Variants in NAPEPLD observed in about 807,000 individuals in gnomAD.
NAPEPLD encodes N-acyl phosphatidylethanolamine phospholipase D.
In NAPEPLD, 23 loss-of-function variants were observed where a neutral mutation model predicts 38.1. The observed-to-expected ratio is 0.60, with a 90% confidence interval of 0.43 to 0.86. The LOEUF is 0.86. Among genes scored for constraint, NAPEPLD ranks in the 40% least tolerant of loss-of-function variants. NAPEPLD has a pLI of 0.00. For missense variants in NAPEPLD, 411 were observed against 476.8 expected, an observed-to-expected ratio of 0.86 and a Z score of 1.28; for synonymous variants, 147 against 162.0, an observed-to-expected ratio of 0.91 and a Z score of 0.71.
At chr7:103,138,749 C>T (rs1810607012) in intron 1 of NAPEPLD, among the ~76,000 whole-genome samples, 1 of 152,182 alleles carries the variant, frequency 6.6e-6, no homozygotes, top group African/African-American at 2.4e-5. Context: ...GGATTACAGG[C>T]GTGAGCCACC....
upstream of NAPEPLD, chr7:103,149,407 C>A: frequency 1.6e-6 from 2 of 1,226,732 alleles, no homozygotes; most frequent in South Asian, 1.3e-5. Context: ...TCTTCCTAAC[C>A]CGAGCCCGCC....
intron 2 of NAPEPLD, among the ~76,000 whole-genome samples, chr7:103,120,537 G>A (rs1403352722): frequency 1.3e-5 from 2 of 151,906 alleles, no homozygotes; most frequent in Non-Finnish European, 1.5e-5. Context: ...AAGTAGACTG[G>A]CCTAGATGCA....
intron 1 of NAPEPLD, chr7:103,141,787 G>C: frequency 4.6e-6 from 4 of 873,860 alleles, no homozygotes; most frequent in South Asian, 3.9e-5. Context: ...CAGGCTTGCG[G>C]ATGATCAGCC....
chr7:103,120,854 C>T (rs909826062), intron 2 of NAPEPLD, among the ~76,000 whole-genome samples: 1 of 151,778 alleles, frequency 6.6e-6, no homozygotes, highest in Non-Finnish European at 1.5e-5. Context: ...GGATCACAGG[C>T]ACACAGCACC....
intron 1 of NAPEPLD, among the ~76,000 whole-genome samples, chr7:103,131,728 G>GT: frequency 6.6e-6 from 1 of 152,044 alleles, no homozygotes. Flanking sequence ...AGACTGGACA[G>GT]TAAAGATGGG....
intron 1 of NAPEPLD, among the ~76,000 whole-genome samples, chr7:103,144,750 G>A (rs1812193457): frequency 6.6e-6 from 1 of 151,836 alleles, no homozygotes; most frequent in Admixed American, 6.6e-5. Flanking sequence ...GCTCACACCT[G>A]TAATCCCAGC....
In NAPEPLD at chr7:103,103,330, T is replaced by G; in HGVS notation, c.*99A>C. The G allele has an allele frequency of 7.4e-7, 1 of 1,360,266 alleles. No individual in the cohort carries two copies. Among genetic ancestry groups the G allele is most frequent in the Non-Finnish European group, 9.9e-7 (1 of 1,011,364 alleles). The allele number at this position is 1,360,266 out of a possible 1,614,324, so 84.3% of individuals were successfully genotyped here. A position where few individuals can be genotyped will look rare whatever the true frequency, so the allele number is the denominator to read the frequency against. On this transcript the variant is annotated 3_prime_UTR_variant, in exon 5 of 5. Coordinates refer to ENST00000465647, the MANE Select transcript of NAPEPLD (RefSeq NM_001122838.3). ...TAAACTTGCAGAAGTTGTTTCCAAATGTAAAATAATCACAATATTCATGAA... is the reference window on the plus strand; with the variant it reads ...TAAACTTGCAGAAGTTGTTTCCAAAGGTAAAATAATCACAATATTCATGAA...
intron 2 of NAPEPLD, among the ~76,000 whole-genome samples, chr7:103,125,994 A>G (rs1807713580): frequency 6.6e-6 from 1 of 152,126 alleles, no homozygotes; most frequent in Non-Finnish European, 1.5e-5. Context: ...AAATTTATTA[A>G]AATTGAAAGA....
chr7:103,106,728 T>TTAA (rs1554532190), intron 4 of NAPEPLD, among the ~76,000 whole-genome samples: 13 of 147,826 alleles, frequency 8.8e-5, no homozygotes, highest in Non-Finnish European at 1.6e-4. Context: ...AGGGCATCTC[T>TTAA]AAAAAAAAAA....
rs1156697829 is a variant in NAPEPLD, at chr7:103,115,154, T to A, written c.962A>T (p.His321Leu). 6.2e-7 allele frequency: 1 copy of A among 1,613,552 alleles called. No individual in the cohort carries two copies. Among genetic ancestry groups the A allele is most frequent in the Admixed American group, 1.7e-5 (1 of 59,884 alleles). Residue 321 changes from histidine (H) to leucine (L), a missense_variant, in exon 4 of 5, where the codon CAT (histidine) becomes CTT (leucine). Physicochemically the swap from His to Leu is moderately conservative, Grantham distance 99. Coordinates refer to ENST00000465647, the MANE Select transcript of NAPEPLD (RefSeq NM_001122838.3). Reference sequence around the variant, plus strand: ...CCTTACAGCTTCTTCTGGGTCTACATGCTGGTATTTCATAAACCACCTGAA... The same window carrying A: ...CCTTACAGCTTCTTCTGGGTCTACAAGCTGGTATTTCATAAACCACCTGAA... ...YEPRWFMKYQ[H>L]VDPEEAVRIH...
chr7:103,123,043 C>A (rs1563357478), intron 2 of NAPEPLD, among the ~76,000 whole-genome samples: 1 of 152,236 alleles, frequency 6.6e-6, no homozygotes, highest in Non-Finnish European at 1.5e-5. Flanking sequence ...CTGTGTCCCA[C>A]CTACATGGAG....
chr7:103,134,540 C>G (rs1809637014), intron 1 of NAPEPLD, among the ~76,000 whole-genome samples: 1 of 152,076 alleles, frequency 6.6e-6, no homozygotes, highest in African/African-American at 2.4e-5. Flanking sequence ...GTCCCAGCTA[C>G]TCAGGAGGCT....
chr7:103,112,187 C>T lies in NAPEPLD; in HGVS notation c.1056+2873G>A, dbSNP rs149397147. 4.9e-3 allele frequency among the ~76,000 whole-genome samples: 741 copies of T among 152,252 alleles called. 6 individuals are homozygous for T. The highest frequency in any genetic ancestry group is 0.017 in the African/African-American group (709 of 41,540). ...AAATTAGTTCAACCACTGTGGAAGA[C>T]ACTGTGGCGATTCCTCAAGGATCTG... On this transcript the variant is annotated intron_variant, in intron 4 of 4. Transcript: ENST00000465647.
chr7:103,146,587 A>G (rs1812607329), intron 1 of NAPEPLD, among the ~76,000 whole-genome samples: 1 of 152,138 alleles, frequency 6.6e-6, no homozygotes, highest in Non-Finnish European at 1.5e-5. Flanking sequence ...GCACAAACTG[A>G]GTTGTTTTTC....
At chr7:103,148,231 A>G in intron 1 of NAPEPLD, 2 of 497,644 alleles carry the variant, frequency 4.0e-6, no homozygotes, top group Non-Finnish European at 5.2e-6. Flanking sequence ...ATCAAGTAGC[A>G]AACATTTCAT....
intron 4 of NAPEPLD, among the ~76,000 whole-genome samples, chr7:103,104,643 A>G (rs913244379): frequency 6.6e-6 from 1 of 152,228 alleles, no homozygotes; most frequent in Non-Finnish European, 1.5e-5. Flanking sequence ...TTTTAACTGT[A>G]TGCTGGTTAT....
At position 103,100,562 on chromosome 7, in the gene NAPEPLD, A is replaced by G. The variant is rs1467132168; in HGVS notation, c.*2867T>C. ...TTTCTCCTAATTGATGACCCACCCT[A>G]TTGGGCAGTGAGGCATAGCAAAGTA... On this transcript the variant is annotated 3_prime_UTR_variant, in exon 5 of 5. Coordinates refer to ENST00000465647, the MANE Select transcript of NAPEPLD (RefSeq NM_001122838.3). 6.6e-6 allele frequency: 1 copy of G among 152,200 alleles called. No individual in the cohort carries two copies. Among genetic ancestry groups the G allele is most frequent in the Non-Finnish European group, 1.5e-5 (1 of 68,030 alleles). The allele number at this position is 152,200 out of a possible 1,614,324, so 9.4% of individuals were successfully genotyped here.
At chr7:103,112,292 A>G (rs1201308422) in intron 4 of NAPEPLD, among the ~76,000 whole-genome samples, 1 of 152,064 alleles carries the variant, frequency 6.6e-6, no homozygotes, top group Non-Finnish European at 1.5e-5. Context: ...TACTATAAAG[A>G]CTCATGCACA....
At chr7:103,149,209 A>G (rs528408237), upstream of NAPEPLD, 117 of 996,886 alleles carry the variant, frequency 1.2e-4, no homozygotes, top group African/African-American at 1.8e-3. Flanking sequence ...GGAGCTCCGG[A>G]CACTCGGGAT....
Sources: gnomAD v4.1 joint callset for allele counts (sites outside exome capture counted in the v4.1 genomes callset) on GRCh38, gnomAD v4.1.1 for gene constraint, MANE v1.5 for transcripts, NCBI Gene and HGNC (gene_info 2026-07-23, HGNC 2026-07-21) for gene names.